Variants in NELL2 observed in about 807,000 individuals in gnomAD.
The protein encoded by NELL2 is protein kinase C-binding protein NELL2.
Under a neutral mutation model 109.6 loss-of-function variants are expected in NELL2, and 41 were observed. The ratio of observed to expected loss-of-function variants is 0.37; its 90% CI spans 0.29 to 0.49. The LOEUF is 0.49. Among genes scored for constraint, NELL2 ranks in the 20% least tolerant of loss-of-function variants. The probability of loss-of-function intolerance (pLI) is 0.98; values close to 1 mark genes in which losing one functional copy is unlikely to be tolerated. For synonymous variants in NELL2, 355 were observed against 344.7 expected, an observed-to-expected ratio of 1.03 and a Z score of -0.33; for missense variants, 900 against 1,008.3, an observed-to-expected ratio of 0.89 and a Z score of 1.45.
intron 2 of NELL2, among the ~76,000 whole-genome samples, chr12:44,855,433 A>C (rs1015969887): frequency 5.9e-5 from 9 of 152,232 alleles, no homozygotes; most frequent in Non-Finnish European, 4.4e-5. Context: ...CTTTCTATAC[A>C]TGACTGTCCT....
chr12:44,591,624 G>A (rs892624826), intron 15 of NELL2, among the ~76,000 whole-genome samples: 3 of 152,118 alleles, frequency 2.0e-5, no homozygotes, highest in African/African-American at 7.2e-5. Context: ...GAAAGGAGCG[G>A]GGATAGAAAG....
intron 12 of NELL2, among the ~76,000 whole-genome samples, chr12:44,688,233 A>C (rs182752701): frequency 3.1e-4 from 47 of 152,356 alleles, no homozygotes; most frequent in African/African-American, 1.1e-3. Flanking sequence ...ATGGTAACTT[A>C]GTTACTGAAG....
rs767325860 is a variant in NELL2, at chr12:44,579,779, G to C, written c.1663+27390C>G. Among the ~76,000 whole-genome samples the C allele has an allele frequency of 7.9e-5, 12 of 151,988 alleles. No individual in the cohort carries two copies. The South Asian group carries it at 1.5e-3, about 18-fold the overall frequency. The stretch of plus-strand genomic sequence containing the variant: ...TTAGAATATGAGACTTTAATTCCTT[G>C]TTCTGACACCTTCTGGTTGTGTGAG... On this transcript the variant is annotated intron_variant, in intron 15 of 19. Transcript: ENST00000429094.
chr12:44,689,110 C>A (rs1948821162), intron 12 of NELL2, among the ~76,000 whole-genome samples: 1 of 152,160 alleles, frequency 6.6e-6, no homozygotes, highest in East Asian at 1.9e-4. Flanking sequence ...CTTCTGAGTG[C>A]ACTCGGTGTT....
At chr12:44,538,042 C>T (rs926626145) in intron 15 of NELL2, among the ~76,000 whole-genome samples, 10 of 152,236 alleles carry the variant, frequency 6.6e-5, no homozygotes, top group African/African-American at 2.4e-4. Flanking sequence ...ATTCAAAATG[C>T]ACAGATATAA....
chr12:44,795,463 C>T (rs1403367624), intron 3 of NELL2, among the ~76,000 whole-genome samples: 4 of 152,122 alleles, frequency 2.6e-5, no homozygotes, highest in Non-Finnish European at 4.4e-5. Context: ...TGTGATAATC[C>T]ACACTAAGCA....
chr12:44,858,937 T>C lies in NELL2; in HGVS notation c.184+16288A>G, dbSNP rs202135660. Among the ~76,000 whole-genome samples, 46 of 152,288 alleles carry C rather than the reference T, an allele frequency of 3.0e-4. No homozygotes were observed. In the East Asian group the frequency reaches 8.3e-3, roughly 27 times the overall value. ...GGATTAAGAGAGAGTCCTCAGATAT[T>C]TTTGCAAACACAAACAACAACAACA... is the stretch of plus-strand genomic sequence containing the variant. On this transcript the variant is annotated intron_variant, in intron 2 of 19. Coordinates refer to ENST00000429094, the MANE Select transcript of NELL2 (RefSeq NM_001145108.2).
At chr12:44,700,078 C>T (rs978976104) in intron 12 of NELL2, among the ~76,000 whole-genome samples, 2 of 152,124 alleles carry the variant, frequency 1.3e-5, no homozygotes, top group Non-Finnish European at 2.9e-5. Flanking sequence ...TTTTCTCACT[C>T]AATCTGTTCC....
intron 15 of NELL2, among the ~76,000 whole-genome samples, 182 bp downstream of exon 15, chr12:44,606,987 T>G (rs1945428745): frequency 6.6e-6 from 1 of 152,126 alleles, no homozygotes; most frequent in African/African-American, 2.4e-5. Context: ...TAGAGTGACT[T>G]TGGGGAATCG....
At chr12:44,614,903 C>T (rs553072733) in intron 13 of NELL2, among the ~76,000 whole-genome samples, 1 of 152,086 alleles carries the variant, frequency 6.6e-6, no homozygotes, top group African/African-American at 2.4e-5. Flanking sequence ...AATGCAAATA[C>T]TTCAGAAAAT....
At chr12:44,584,153 C>T (rs918218458) in intron 15 of NELL2, among the ~76,000 whole-genome samples, 1 of 152,234 alleles carries the variant, frequency 6.6e-6, no homozygotes, top group African/African-American at 2.4e-5. Flanking sequence ...CTTTTCATAG[C>T]ACCTTCAACT....
chr12:44,869,706 C>G (rs898006227), intron 2 of NELL2, among the ~76,000 whole-genome samples: 20 of 152,124 alleles, frequency 1.3e-4, no homozygotes, highest in African/African-American at 4.8e-4. Context: ...AAAGAGCCCT[C>G]AATGTAACTG....
intron 5 of NELL2, among the ~76,000 whole-genome samples, chr12:44,779,180 A>G (rs1291973463): frequency 6.6e-6 from 1 of 152,230 alleles, no homozygotes; most frequent in African/African-American, 2.4e-5. Flanking sequence ...TATTAAAGGA[A>G]AAGATATAAA....
intron 12 of NELL2, among the ~76,000 whole-genome samples, chr12:44,667,034 C>T (rs1186920092): frequency 6.6e-6 from 1 of 152,168 alleles, no homozygotes. Flanking sequence ...CAAAAACTTC[C>T]CTAATGAACT....
intron 3 of NELL2, among the ~76,000 whole-genome samples, chr12:44,794,440 A>T (rs1290878194): frequency 1.3e-5 from 2 of 152,152 alleles, no homozygotes; most frequent in African/African-American, 4.8e-5. Flanking sequence ...CCTGAGACAG[A>T]ATCTGATGCA....
At chr12:44,538,533 C>A (rs1224379714) in intron 15 of NELL2, among the ~76,000 whole-genome samples, 1 of 152,068 alleles carries the variant, frequency 6.6e-6, no homozygotes, top group Non-Finnish European at 1.5e-5. Context: ...TGTGAACAAT[C>A]AAGAGCCACT....
At chr12:44,586,297 G>GAT (rs1252390140) in intron 15 of NELL2, among the ~76,000 whole-genome samples, 1 of 149,008 alleles carries the variant, frequency 6.7e-6, no homozygotes, top group African/African-American at 2.5e-5. Context: ...TATATATATA[G>GAT]ATATATACAC....
intron 13 of NELL2, among the ~76,000 whole-genome samples, chr12:44,647,154 T>TA (rs147214370): frequency 0.016 from 2,430 of 152,132 alleles, 62 homozygotes; most frequent in African/African-American, 0.056. Context: ...AAGGAGTGGG[T>TA]AGCAGGGCCC....
At chr12:44,903,609 T>C (rs1405507252) in intron 1 of NELL2, among the ~76,000 whole-genome samples, 1 of 152,136 alleles carries the variant, frequency 6.6e-6, no homozygotes, top group South Asian at 2.1e-4. Context: ...TGCAGCACTA[T>C]TCACAATAGC....
Sources: gnomAD v4.1 joint callset for allele counts (sites outside exome capture counted in the v4.1 genomes callset) on GRCh38, gnomAD v4.1.1 for gene constraint, MANE v1.5 for transcripts, NCBI Gene and HGNC (gene_info 2026-07-23, HGNC 2026-07-21) for gene names.